Variants in ZNF229 observed in about 807,000 individuals in gnomAD.
ZNF229 encodes zinc finger protein 229.
A neutral mutation model predicts 11.8 loss-of-function variants in ZNF229; 10 were observed. The ratio of observed to expected loss-of-function variants is 0.85; its 90% CI spans 0.52 to 1.44. ZNF229 has a LOEUF of 1.44. Among genes scored for constraint, ZNF229 ranks in the 40% most tolerant of loss-of-function variants. The pLI is 0.00. For synonymous variants in ZNF229, 368 were observed against 374.8 expected (o/e 0.98, Z 0.21); for missense variants, 1,045 against 1,015.1 (o/e 1.03, Z -0.40).
intron 5 of ZNF229, 114 bp from the exon 6 acceptor site, chr19:44,430,656 C>T (rs1971706967): frequency 1.4e-5 from 14 of 982,870 alleles, no homozygotes; most frequent in South Asian, 1.3e-4. Flanking sequence ...CTTTATGTAT[C>T]ATAACTATTA....
In ZNF229 at chr19:44,428,346, C is replaced by T. The variant is rs55700709; in HGVS notation, c.2435G>A (p.Arg812Gln). ...GCCTAAATGCACTCTTTGGTGGTTC[C>T]GCAGACCTGAGGTATAACTGAAGCC... ...GKGFSYTSGLRNHQRVHLGEN... is the reference protein window; with the variant it reads ...GKGFSYTSGLQNHQRVHLGEN... Residue 812 changes from arginine to glutamine, a missense_variant, in exon 6 of 6, where the codon CGG (arginine) becomes CAG (glutamine). Arg to Gln is a conservative substitution (Grantham distance 43). Coordinates refer to ENST00000614049, the MANE Select transcript of ZNF229 (RefSeq NM_014518.4). 44,732 of 1,613,670 alleles carry T rather than the reference C, an allele frequency of 0.028. 743 individuals carry two copies. The highest frequency in any genetic ancestry group is 0.032 in the Non-Finnish European group (37,392 of 1,179,724).
At position 44,442,798 on chromosome 19, in the gene ZNF229, C is replaced by CACAAAAAACAG; in HGVS notation, c.34+15_34+16insCTGTTTTTTGT. The CACAAAAAACAG allele has an allele frequency of 6.3e-7, 1 of 1,587,034 alleles. No individual in the cohort carries two copies. The highest frequency in any genetic ancestry group is 8.7e-7 in the Non-Finnish European group (1 of 1,155,638). On this transcript the variant is annotated intron_variant, in intron 3 of 5. Transcript: ENST00000614049. ...TTTGGATTCTCCCCCCACCCACCCC[C>CACAAAAAACAG]TCTATTAGCTGTCACCTCTTTTCTC...
chr19:44,448,445 T>C lies in ZNF229; in HGVS notation c.-402A>G, dbSNP rs1389182414. 1 of 152,214 alleles carries C rather than the reference T, an allele frequency of 6.6e-6. No individual in the cohort carries two copies. Among genetic ancestry groups the C allele is most frequent in the African/African-American group, 2.4e-5 (1 of 41,442 alleles). 9.4% of individuals were successfully genotyped at this position (152,214 alleles called of 1,614,324 possible). On this transcript the variant is annotated 5_prime_UTR_variant, in exon 1 of 6. Coordinates refer to ENST00000614049, the MANE Select transcript of ZNF229 (RefSeq NM_014518.4). ...TGGAGATGCACGTCTCTAAGACGCC[T>C]CACCACTGCCTAAGAAGCAATCAAG... is the stretch of plus-strand genomic sequence containing the variant.
Position 44,430,125 on chromosome 19 carries a change from T to C in ZNF229, c.656A>G (p.Asp219Gly). Residue 219 changes from aspartate to glycine, a missense_variant, in exon 6 of 6, where the codon GAT becomes GGT. Physicochemically the swap from Asp to Gly is moderately conservative, Grantham distance 94. Coordinates refer to ENST00000614049, the MANE Select transcript of ZNF229 (RefSeq NM_014518.4). ...ACAAGATATCCAGCAAAAGCTGTCA[T>C]CATCCCAGTTACATTTATATACTGT... ...EDTVYKCNWD[D>G]DSFCWISCHV... is the part of the protein sequence containing the mutation. The C allele has an allele frequency of 6.2e-7, 1 of 1,614,140 alleles. No individual in the cohort carries two copies. The highest frequency in any genetic ancestry group is 2.2e-5 in the East Asian group (1 of 44,886).
At chr19:44,436,790 G>A (rs1971822616) in intron 4 of ZNF229, among the ~76,000 whole-genome samples, 1 of 152,130 alleles carries the variant, frequency 6.6e-6, no homozygotes, top group Non-Finnish European at 1.5e-5. Flanking sequence ...GGTATTCAAT[G>A]CAGATGTACA....
Position 44,426,373 on chromosome 19 carries a change from A to G in ZNF229, c.*1930T>C, listed in dbSNP as rs1971571822. The G allele has an allele frequency of 1.3e-5, 2 of 152,202 alleles. No homozygotes were observed. Among genetic ancestry groups the G allele is most frequent in the Admixed American group, 6.5e-5 (1 of 15,292 alleles). The allele number at this position is 152,202 out of a possible 1,614,324, so 9.4% of individuals were successfully genotyped here. On this transcript the variant is annotated 3_prime_UTR_variant, in exon 6 of 6. Transcript: ENST00000614049. Reference sequence around the variant, plus strand: ...ACTTTGTTACAAAGTAAAATACATAAAAGTACAACATATGTATTATACATT... The same window carrying G: ...ACTTTGTTACAAAGTAAAATACATAGAAGTACAACATATGTATTATACATT...
In ZNF229 at chr19:44,430,288, GCCCATC is replaced by G. The variant is rs1212984759; in HGVS notation, c.487_492del (p.Asp163_Gly164del). The G allele has an allele frequency of 6.2e-7, 1 of 1,614,078 alleles. No homozygotes were observed. Among genetic ancestry groups the G allele is most frequent in the South Asian group, 1.1e-5 (1 of 91,080 alleles). On this transcript the variant is annotated inframe_deletion, in exon 6 of 6. Transcript: ENST00000614049. ...AACTGTTGATTTTCTAGACCGATAA[GCCCATC>G]CCCTTGTAGACTGTCCAGGAAATTC... is the stretch of plus-strand genomic sequence containing the variant.
intron 2 of ZNF229, among the ~76,000 whole-genome samples, chr19:44,444,301 G>C (rs528014573): frequency 2.0e-5 from 3 of 152,176 alleles, no homozygotes; most frequent in South Asian, 4.2e-4. Flanking sequence ...ACATACTTGG[G>C]CTGTCTACTC....
intron 4 of ZNF229, among the ~76,000 whole-genome samples, chr19:44,435,122 G>GT (rs1971790630): frequency 2.0e-5 from 3 of 152,250 alleles, no homozygotes; most frequent in African/African-American, 7.2e-5. Context: ...CCAGTCTCGA[G>GT]TATGTCTTTA....
chr19:44,431,805 C>G (rs536581006), intron 5 of ZNF229: 2 of 989,102 alleles, frequency 2.0e-6, no homozygotes, highest in African/African-American at 3.5e-5. Context: ...ATCTGTTACC[C>G]CAGTCTTCAA....
chr19:44,432,394 ATCT>A (rs1354249647), intron 4 of ZNF229, 28 bp from the exon 5 acceptor site: 1 of 1,608,934 alleles, frequency 6.2e-7, no homozygotes, highest in East Asian at 2.2e-5. Flanking sequence ...TAACACAAAC[ATCT>A]ACTAGATGAA....
chr19:44,443,081 G>A (rs1971944642), intron 2 of ZNF229, 57 bp from the exon 3 acceptor site: 1 of 594,196 alleles, frequency 1.7e-6, no homozygotes, highest in Admixed American at 3.0e-5. Context: ...CAAGGCTGTG[G>A]TTCACATCCC....
intron 4 of ZNF229, among the ~76,000 whole-genome samples, chr19:44,439,453 C>CT (rs556798042): frequency 1.3e-5 from 2 of 151,800 alleles, no homozygotes; most frequent in African/African-American, 2.4e-5. Context: ...TTTCCATTTC[C>CT]TTTTTTTTGA....
intron 4 of ZNF229, among the ~76,000 whole-genome samples, chr19:44,434,362 T>G (rs1387261549): frequency 6.6e-6 from 1 of 152,138 alleles, no homozygotes; most frequent in Non-Finnish European, 1.5e-5. Flanking sequence ...TTTAAGGGAC[T>G]TCCATGTCAA....
At chr19:44,430,633 G>T in intron 5 of ZNF229, 91 bp from the exon 6 acceptor site, 1 of 1,241,700 alleles carries the variant, frequency 8.1e-7, no homozygotes, top group Non-Finnish European at 1.1e-6. Flanking sequence ...TAATAGCCTA[G>T]AGAAAAATTA....
intron 2 of ZNF229, among the ~76,000 whole-genome samples, 188 bp downstream of exon 2, chr19:44,447,325 A>G (rs1446642538): frequency 1.3e-5 from 2 of 152,194 alleles, no homozygotes; most frequent in Admixed American, 6.5e-5. Context: ...CCAGTGACAC[A>G]CTACTAGGAG....
At chr19:44,433,692 C>T (rs1027473951) in intron 4 of ZNF229, among the ~76,000 whole-genome samples, 2 of 152,106 alleles carry the variant, frequency 1.3e-5, no homozygotes, top group Non-Finnish European at 2.9e-5. Flanking sequence ...CCTGTTTAGC[C>T]TGCAGAACTG....
At position 44,428,500 on chromosome 19, in the gene ZNF229, C is replaced by A; in HGVS notation, c.2281G>T (p.Val761Phe). Residue 761 changes from valine (V) to phenylalanine (F), a missense_variant, in exon 6 of 6, where the codon GTC becomes TTC. Val to Phe is a conservative substitution (Grantham distance 50). Transcript: ENST00000614049. ...TTATAGGGTTTCTCACCAGTGTGGA[C>A]CCTCTGATGACCTTGAAGATGTGAG... ...QSSHLQGHQR[V>F]HTGEKPYKCE... is the part of the protein sequence containing the mutation. The A allele has an allele frequency of 6.2e-7, 1 of 1,613,998 alleles. No homozygotes were observed. Among genetic ancestry groups the A allele is most frequent in the South Asian group, 1.1e-5 (1 of 91,066 alleles).
In ZNF229 at chr19:44,428,552, G is replaced by A. The variant is rs373859995; in HGVS notation, c.2229C>T (p.His743=). The A allele has an allele frequency of 3.8e-5, 62 of 1,613,308 alleles. No homozygotes were observed. The highest frequency in any genetic ancestry group is 3.2e-4 in the African/African-American group (24 of 74,688). ...TCTGACTATAGCCCTTCCCACACAC[G>A]TGGCATCTGTATGGCTTCTCGCCAG... is the stretch of plus-strand genomic sequence containing the variant. ...VHTGEKPYRC[H]VCGKGYSQSS... Residue 743 remains histidine (H), a synonymous_variant, in exon 6 of 6, where the codon CAC becomes CAT. Transcript: ENST00000614049.
Sources: gnomAD v4.1 joint callset for allele counts (sites outside exome capture counted in the v4.1 genomes callset) on GRCh38, gnomAD v4.1.1 for gene constraint, MANE v1.5 for transcripts, NCBI Gene and HGNC (gene_info 2026-07-23, HGNC 2026-07-21) for gene names.